The following ZNF695 variants were observed in gnomAD, a reference collection of about 807,000 sequenced individuals.
ZNF695 encodes zinc finger protein 695.
In ZNF695, 11 loss-of-function variants were observed where a neutral mutation model predicts 11.2. The ratio of observed to expected loss-of-function variants is 0.98; its 90% confidence interval spans 0.62 to 1.62. The LOEUF (loss-of-function observed/expected upper bound fraction) is 1.62, where lower values mean the gene tolerates loss of function less well. ZNF695 is among the 40% of genes most tolerant of loss of function. The probability of loss-of-function intolerance (pLI) is 0.00; values close to 1 mark genes in which losing one functional copy is unlikely to be tolerated. For synonymous variants in ZNF695, 190 were observed against 201.4 expected (o/e 0.94, Z 0.48); for missense variants, 559 against 590.5 (o/e 0.95, Z 0.55).
chr1:247,001,739 CAA>C (rs1476354573), intron 1 of ZNF695, among the ~76,000 whole-genome samples: 15 of 130,996 alleles, frequency 1.1e-4, no homozygotes, highest in Admixed American at 1.1e-3. Flanking sequence ...AAAAAAGAAA[CAA>C]GACAAAGAAG....
At chr1:246,953,393 G>A (rs1244747372) in intron 5 of ZNF695, among the ~76,000 whole-genome samples, 1 of 152,066 alleles carries the variant, frequency 6.6e-6, no homozygotes, top group Non-Finnish European at 1.5e-5. Flanking sequence ...CGGATCACGA[G>A]GTTAGGCGAC....
intron 4 of ZNF695, among the ~76,000 whole-genome samples, chr1:246,978,887 A>G (rs1668633536): frequency 6.6e-6 from 1 of 152,178 alleles, no homozygotes; most frequent in South Asian, 2.1e-4. Context: ...GCCCAGTATG[A>G]TGATGTTCTC....
At chr1:246,992,361 T>C (rs558458503) in intron 3 of ZNF695, among the ~76,000 whole-genome samples, 37 of 149,444 alleles carry the variant, frequency 2.5e-4, no homozygotes, top group African/African-American at 8.4e-4. Context: ...ATTTAACTCA[T>C]GGAGATAGAG....
downstream of ZNF695, chr1:246,985,259 T>A (rs1324470610): frequency 2.5e-5 from 25 of 980,648 alleles, no homozygotes; most frequent in Non-Finnish European, 2.9e-5. Context: ...AAAAGCCACA[T>A]GTTAAAAGGA....
At chr1:246,966,997 G>A (rs969309668) in intron 5 of ZNF695, 1 of 389,222 alleles carries the variant, frequency 2.6e-6, no homozygotes, top group African/African-American at 2.1e-5. Flanking sequence ...GGAGTGCAAT[G>A]GCGCAATCTT....
At chr1:246,992,726 A>G (rs947801186) in intron 3 of ZNF695, among the ~76,000 whole-genome samples, 3 of 152,158 alleles carry the variant, frequency 2.0e-5, no homozygotes, top group African/African-American at 7.2e-5. Context: ...TGAGAACTCT[A>G]AAAATCAATG....
chr1:246,976,706 A>G (rs934904652), intron 4 of ZNF695, among the ~76,000 whole-genome samples: 2 of 152,084 alleles, frequency 1.3e-5, no homozygotes, highest in African/African-American at 2.4e-5. Context: ...AGGCAGAAGA[A>G]TGGCATGAAC....
chr1:246,960,462 T>C (rs955561881), intron 5 of ZNF695, among the ~76,000 whole-genome samples: 1 of 152,226 alleles, frequency 6.6e-6, no homozygotes. Context: ...TGGTATTGTG[T>C]AGCAGTATAG....
At chr1:246,958,737 C>T (rs931990419) in intron 5 of ZNF695, among the ~76,000 whole-genome samples, 6 of 152,134 alleles carry the variant, frequency 3.9e-5, no homozygotes, top group African/African-American at 1.4e-4. Flanking sequence ...GGAAACGGTG[C>T]GAGATAATAC....
At chr1:246,967,610 T>C (rs1249171285) in intron 5 of ZNF695, 1 of 385,700 alleles carries the variant, frequency 2.6e-6, no homozygotes, top group Non-Finnish European at 5.2e-6. Context: ...TGACCTGGCC[T>C]TGTGTATTAA....
chr1:246,962,945 G>A lies in ZNF695; in HGVS notation c.488+4750C>T, dbSNP rs186745843. ...GCCCATCTGGGCCTCCCAAAGTGCT[G>A]GGATTACAGGTGTGAGCCACCATGC... On this transcript the variant is annotated intron_variant, in intron 5 of 5. Transcript: ENST00000487338. 5.8e-4 allele frequency among the ~76,000 whole-genome samples: 88 copies of A among 152,226 alleles called. No homozygotes were observed. The East Asian group carries it at 0.012, about 20-fold the overall frequency.
At chr1:246,971,698 A>T (rs1312024695) in intron 4 of ZNF695, among the ~76,000 whole-genome samples, 1 of 152,218 alleles carries the variant, frequency 6.6e-6, no homozygotes, top group African/African-American at 2.4e-5. Flanking sequence ...ATTGGAATAA[A>T]GAGTAATGCT....
Position 246,953,900 on chromosome 1 carries a change from TG to T in ZNF695, c.489-8074del, listed in dbSNP as rs1359943177. Among the ~76,000 whole-genome samples the T allele has an allele frequency of 2.1e-5, 3 of 141,574 alleles. No homozygotes were observed. In the East Asian group the frequency reaches 6.2e-4, roughly 29 times the overall value. The allele number at this position is 141,574 out of a possible 152,430, so 92.9% of individuals were successfully genotyped here. A position where few individuals can be genotyped will look rare whatever the true frequency, so the allele number is the denominator to read the frequency against. On this transcript the variant is annotated intron_variant, in intron 5 of 5. Transcript: ENST00000487338. Reference sequence around the variant, plus strand: ...GAGATCACGCCACTGCACTCCAGCCTGGGCGACAGAGTGAGACTGTCTCAAA... The same window carrying T: ...GAGATCACGCCACTGCACTCCAGCCTGGCGACAGAGTGAGACTGTCTCAAA...
At chr1:246,976,129 G>T (rs1668552924) in intron 4 of ZNF695, among the ~76,000 whole-genome samples, 1 of 152,048 alleles carries the variant, frequency 6.6e-6, no homozygotes, top group Non-Finnish European at 1.5e-5. Context: ...GAACTTTATT[G>T]GTTTATAATT....
At chr1:246,955,722 T>G (rs1477232232) in intron 5 of ZNF695, among the ~76,000 whole-genome samples, 2 of 152,220 alleles carry the variant, frequency 1.3e-5, no homozygotes, top group Non-Finnish European at 2.9e-5. Flanking sequence ...CGATGTTAAC[T>G]TTTCAAAGTC....
At chr1:246,957,445 T>C (rs1572505595) in intron 5 of ZNF695, among the ~76,000 whole-genome samples, 1 of 151,952 alleles carries the variant, frequency 6.6e-6, no homozygotes, top group African/African-American at 2.4e-5. Context: ...AAATCGTATG[T>C]CTGACTATAA....
chr1:246,967,499 T>C (rs1044800184), intron 5 of ZNF695: 1 of 455,676 alleles, frequency 2.2e-6, no homozygotes, highest in Non-Finnish European at 4.4e-6. Flanking sequence ...ACAAGGATGA[T>C]GTCAAGGTTT....
intron 5 of ZNF695, among the ~76,000 whole-genome samples, chr1:246,957,613 C>T (rs966441699): frequency 3.9e-5 from 6 of 152,000 alleles, no homozygotes; most frequent in African/African-American, 1.4e-4. Context: ...ACCTTCAATA[C>T]CTTTCTAGAA....
downstream of ZNF695, among the ~76,000 whole-genome samples, chr1:246,984,279 TTAAAAA>T (rs1404966188): frequency 1.4e-4 from 17 of 125,466 alleles, no homozygotes; most frequent in Non-Finnish European, 2.2e-4. Context: ...AACACAGGTT[TTAAAAA>T]AAAAAAAAAA....
Sources: allele counts gnomAD v4.1 joint callset (sites outside exome capture counted in the v4.1 genomes callset), GRCh38; gene constraint gnomAD v4.1.1; transcripts MANE v1.5; gene names NCBI Gene and HGNC (gene_info 2026-07-23, HGNC 2026-07-21).